Variants in ASH1L observed in about 807,000 individuals in gnomAD.
ASH1L encodes histone-lysine N-methyltransferase ASH1L.
ASH1L carries 23 observed loss-of-function variants against 269.0 expected under a neutral mutation model. The observed-to-expected ratio is 0.09, with a 90% CI of 0.06 to 0.12. The LOEUF (loss-of-function observed/expected upper bound fraction) is 0.12, where lower values mean the gene tolerates loss of function less well. ASH1L is among the 10% of genes least tolerant of loss of function. ASH1L has a pLI of 1.00. For missense variants in ASH1L, 2,912 were observed against 3,567.8 expected (o/e 0.82, Z 4.68); for synonymous variants, 1,187 against 1,253.5 (o/e 0.95, Z 1.12).
intron 1 of ASH1L, among the ~76,000 whole-genome samples, chr1:155,535,714 G>A (rs1292946603): frequency 2.0e-5 from 3 of 151,910 alleles, no homozygotes; most frequent in Non-Finnish European, 2.9e-5. Context: ...AGCACATTAG[G>A]CCAGGCATGG....
At chr1:155,517,410 T>C (rs1326021346) in intron 2 of ASH1L, among the ~76,000 whole-genome samples, 3 of 151,998 alleles carry the variant, frequency 2.0e-5, no homozygotes. Flanking sequence ...AGGCAGATCA[T>C]TTGAGCTCAG....
intron 12 of ASH1L, among the ~76,000 whole-genome samples, chr1:155,366,498 T>TA (rs529032025): frequency 1.6e-4 from 25 of 152,090 alleles, no homozygotes; most frequent in Middle Eastern, 3.4e-3. Flanking sequence ...TCCTTTCACT[T>TA]AAAAAAAACT....
intron 3 of ASH1L, among the ~76,000 whole-genome samples, chr1:155,462,805 T>C (rs1006957663): frequency 3.9e-5 from 6 of 152,222 alleles, no homozygotes; most frequent in Non-Finnish European, 7.3e-5. Context: ...CTTAACAATA[T>C]TCCATATTTA....
chr1:155,340,190 CTTTCTT>C (rs1349525658), intron 25 of ASH1L, among the ~76,000 whole-genome samples: 4 of 150,600 alleles, frequency 2.7e-5, no homozygotes, highest in Admixed American at 2.0e-4. Context: ...GCTTATTTTT[CTTTCTT>C]TTTATTTTTT....
intron 12 of ASH1L, among the ~76,000 whole-genome samples, chr1:155,364,059 T>C (rs578251301): frequency 1.3e-5 from 2 of 152,012 alleles, no homozygotes; most frequent in East Asian, 3.9e-4. Flanking sequence ...TTTGGGAGAC[T>C]GAGCAATGAG....
At chr1:155,340,954 A>G (rs1652739623) in intron 25 of ASH1L, among the ~76,000 whole-genome samples, 1 of 151,594 alleles carries the variant, frequency 6.6e-6, no homozygotes, top group Non-Finnish European at 1.5e-5. Flanking sequence ...CACCACCACC[A>G]CAAATTTTGT....
At chr1:155,412,887 T>C (rs1488523579) in intron 6 of ASH1L, among the ~76,000 whole-genome samples, 2 of 149,538 alleles carry the variant, frequency 1.3e-5, no homozygotes, top group African/African-American at 2.6e-5. Flanking sequence ...AGAAGTCTTC[T>C]GTGTGTTTTT....
chr1:155,559,089 C>A (rs932920052), intron 1 of ASH1L, among the ~76,000 whole-genome samples: 1 of 152,060 alleles, frequency 6.6e-6, no homozygotes, highest in Non-Finnish European at 1.5e-5. Flanking sequence ...GGTGAGCCAC[C>A]CTCTTCAGCA....
chr1:155,521,063 T>C, intron 2 of ASH1L, 37 bp downstream of exon 2: 5 of 1,528,182 alleles, frequency 3.3e-6, no homozygotes, highest in Non-Finnish European at 4.4e-6. Flanking sequence ...AATGAAAATA[T>C]TGTCAATAAC....
intron 6 of ASH1L, among the ~76,000 whole-genome samples, chr1:155,408,793 CT>C (rs1184225046): frequency 6.6e-6 from 1 of 151,904 alleles, no homozygotes; most frequent in African/African-American, 2.4e-5. Context: ...GGCAGAAGGA[CT>C]TCTTGAGCCC....
intron 7 of ASH1L, among the ~76,000 whole-genome samples, chr1:155,391,165 C>T (rs552154476): frequency 5.6e-4 from 85 of 152,142 alleles, no homozygotes; most frequent in Admixed American, 9.8e-4. Flanking sequence ...AGGCTGGTCT[C>T]GAACTCCTGA....
intron 5 of ASH1L, among the ~76,000 whole-genome samples, chr1:155,425,071 G>C (rs1313186884): frequency 6.6e-6 from 1 of 151,910 alleles, no homozygotes; most frequent in Non-Finnish European, 1.5e-5. Context: ...CCAGGTTCAA[G>C]TTATTCTCCT....
At chr1:155,436,826 A>C (rs1334095746) in intron 5 of ASH1L, among the ~76,000 whole-genome samples, 8 of 152,218 alleles carry the variant, frequency 5.3e-5, no homozygotes, top group Admixed American at 4.6e-4. Context: ...TTACATTTAC[A>C]TCTTTGATCC....
intron 1 of ASH1L, among the ~76,000 whole-genome samples, chr1:155,558,851 C>CTTTTTT: frequency 7.3e-6 from 1 of 136,148 alleles, no homozygotes; most frequent in Non-Finnish European, 1.6e-5. Context: ...TTTTTCTTTT[C>CTTTTTT]TTTTTTTTTT....
At chr1:155,379,047 G>C (rs1415995096) in intron 8 of ASH1L, among the ~76,000 whole-genome samples, 1 of 150,944 alleles carries the variant, frequency 6.6e-6, no homozygotes, top group African/African-American at 2.4e-5. Context: ...AAGGAGAGAG[G>C]GCAGGCAGGC....
intron 6 of ASH1L, among the ~76,000 whole-genome samples, chr1:155,405,880 C>T (rs1418730849): frequency 6.7e-6 from 1 of 149,558 alleles, no homozygotes; most frequent in Non-Finnish European, 1.5e-5. Flanking sequence ...CCCATATTCA[C>T]AGATATGGTG....
At chr1:155,500,372 G>A (rs937304463) in intron 2 of ASH1L, among the ~76,000 whole-genome samples, 1 of 152,140 alleles carries the variant, frequency 6.6e-6, no homozygotes, top group African/African-American at 2.4e-5. Context: ...AATACCTCTA[G>A]CTTAAGCAGC....
chr1:155,380,386 G>A (rs1424471238), intron 7 of ASH1L, among the ~76,000 whole-genome samples: 2 of 151,870 alleles, frequency 1.3e-5, no homozygotes, highest in East Asian at 1.9e-4. Flanking sequence ...TCATTATGAA[G>A]CTTATTAAAT....
chr1:155,338,644 T>C (rs527541683), intron 26 of ASH1L, among the ~76,000 whole-genome samples: 67 of 152,330 alleles, frequency 4.4e-4, no homozygotes, highest in African/African-American at 1.6e-3. Flanking sequence ...ATCCATAAAA[T>C]ATACAAGGGC....
Sources: allele counts gnomAD v4.1 joint callset (sites outside exome capture counted in the v4.1 genomes callset), GRCh38; gene constraint gnomAD v4.1.1; transcripts MANE v1.5; gene names NCBI Gene and HGNC (gene_info 2026-07-23, HGNC 2026-07-21).